Variants in FCSK observed in about 807,000 individuals in gnomAD.
FCSK encodes fucose kinase.
FCSK carries 123 observed loss-of-function variants against 122.5 expected under a neutral mutation model. The ratio of observed to expected loss-of-function variants is 1.00; its 90% CI spans 0.87 to 1.17. The LOEUF is 1.17. Ranked by LOEUF, FCSK falls within the 50% of genes most tolerant of loss-of-function variation. The pLI is 0.00. For missense variants in FCSK, 1,366 were observed against 1,450.4 expected (o/e 0.94, Z 0.95); for synonymous variants, 620 against 625.5 (o/e 0.99, Z 0.13).
intron 13 of FCSK, among the ~76,000 whole-genome samples, chr16:70,471,621 T>C (rs950443376): frequency 2.6e-5 from 4 of 151,930 alleles, no homozygotes; most frequent in Non-Finnish European, 5.9e-5. Flanking sequence ...TTTCTGGAGA[T>C]AGAGTCTTGC....
At chr16:70,467,859 G>A (rs774245060) in intron 7 of FCSK, 27 bp from the exon 8 acceptor site, 24 of 1,598,722 alleles carry the variant, frequency 1.5e-5, no homozygotes, top group Middle Eastern at 1.7e-4. Context: ...TGCTCCCTCC[G>A]CTGATTCTGT....
At chr16:70,467,710 C>A in intron 7 of FCSK, 176 bp from the exon 8 acceptor site, 1 of 651,600 alleles carries the variant, frequency 1.5e-6, no homozygotes, top group Non-Finnish European at 2.7e-6. Context: ...CCTTTAAAGC[C>A]TGCCCTCTGC....
rs1382602139 is a variant in FCSK, at chr16:70,473,052, T to C, written c.1476T>C (p.Pro492=). 6.3e-7 allele frequency: 1 copy of C among 1,590,316 alleles called. No individual in the cohort carries two copies. The highest frequency in any genetic ancestry group is 1.8e-5 in the Admixed American group (1 of 56,848). ...GCCTTCCCAGCGCCCGCCTCTTTCC[T>C]GTGCTCCACCCCTCGAGGGAGCTGG... ...EYCLPSARLF[P]VLHPSRELGP... The change falls in exon 15 of 24, where the codon CCT becomes CCC. Residue 492 remains proline (P), a synonymous_variant. Coordinates refer to ENST00000288078, the MANE Select transcript of FCSK (RefSeq NM_145059.3). This position sits in a 1 kb window ranked among gnomAD's most constrained non-coding sequence, Gnocchi z 4.9.
Position 70,475,760 on chromosome 16 carries a change from C to A in FCSK, c.2634C>A (p.Leu878=). Residue 878 remains leucine (L), a synonymous_variant, in exon 20 of 24, where the codon CTC becomes CTA. Coordinates refer to ENST00000288078, the MANE Select transcript of FCSK (RefSeq NM_145059.3). The part of the protein sequence containing the change: ...IHAVLHLEQV[L]TTGGGWQDQV... Reference sequence around the variant, plus strand: ...CAGTGCTGCACCTGGAGCAGGTGCTCACCACTGGTATGTGACTGCCCTGGA... The same window carrying A: ...CAGTGCTGCACCTGGAGCAGGTGCTAACCACTGGTATGTGACTGCCCTGGA... 1 of 1,581,578 alleles carries A rather than the reference C, an allele frequency of 6.3e-7. No individual in the cohort carries two copies. Among genetic ancestry groups the A allele is most frequent in the Non-Finnish European group, 8.6e-7 (1 of 1,161,728 alleles).
chr16:70,458,226 C>G (rs1014056803), intron 1 of FCSK, among the ~76,000 whole-genome samples: 26 of 148,914 alleles, frequency 1.7e-4, no homozygotes, highest in African/African-American at 6.2e-4. Context: ...GTGGAACAAT[C>G]TCTGCTCACT....
rs932509383 is a variant in FCSK, at chr16:70,471,366, C to T, written c.1341+14C>T. 4 of 1,552,706 alleles carry T rather than the reference C, an allele frequency of 2.6e-6. No individual in the cohort carries two copies. Among genetic ancestry groups the T allele is most frequent in the Admixed American group, 1.8e-5 (1 of 54,072 alleles). ...GACAGCTGGGAGGTAGGCAGTCACC[C>T]TGCATTCCCTCACCCCCATCTTCAG... On this transcript the variant is annotated intron_variant, in intron 13 of 23. Coordinates refer to ENST00000288078, the MANE Select transcript of FCSK (RefSeq NM_145059.3).
At position 70,475,418 on chromosome 16, in the gene FCSK, G is replaced by A. The variant is rs370118908; in HGVS notation, c.2446G>A (p.Glu816Lys). ...TGTCCACTCGGAACTCCAGCTGAGT[G>A]AGCAGCTGCTCCGCACCTTCGGGGG... ...VHVHSELQLSEQLLRTFGGGF... is the reference protein window; with the variant it reads ...VHVHSELQLSKQLLRTFGGGF... Residue 816 changes from glutamate to lysine, a missense_variant, in exon 19 of 24, where the codon GAG becomes AAG. By Grantham distance (56) the Glu-to-Lys change is moderately conservative. Coordinates refer to ENST00000288078, the MANE Select transcript of FCSK (RefSeq NM_145059.3). The A allele has an allele frequency of 2.0e-5, 32 of 1,609,370 alleles. No homozygotes were observed. Among genetic ancestry groups the A allele is most frequent in the Non-Finnish European group, 2.6e-5 (31 of 1,179,626 alleles).
At chr16:70,457,856 C>G (rs975202831) in intron 1 of FCSK, 4 of 151,810 alleles carry the variant, frequency 2.6e-5, no homozygotes, top group Admixed American at 6.6e-5. Flanking sequence ...CTTGGCCTCC[C>G]AAAGTGCTGG....
intron 12 of FCSK, 24 bp from the exon 13 acceptor site, chr16:70,471,158 G>A: frequency 6.3e-7 from 1 of 1,596,438 alleles, no homozygotes; most frequent in East Asian, 2.2e-5. Context: ...GCCCACCCAG[G>A]ATGCCTGCCC....
intron 20 of FCSK, among the ~76,000 whole-genome samples, chr16:70,477,009 G>A (rs1312716414): frequency 2.0e-5 from 3 of 152,194 alleles, no homozygotes; most frequent in Non-Finnish European, 4.4e-5. Flanking sequence ...CTTTGAAGCA[G>A]AGGGGCACAG....
intron 3 of FCSK, among the ~76,000 whole-genome samples, chr16:70,464,444 G>A (rs1243245208): frequency 6.6e-6 from 1 of 152,148 alleles, no homozygotes; most frequent in Non-Finnish European, 1.5e-5. Context: ...CTGAGGTCAG[G>A]AGTTGGAGAC....
intron 9 of FCSK, 48 bp from the exon 10 acceptor site, chr16:70,469,104 G>A: frequency 6.2e-7 from 1 of 1,611,336 alleles, no homozygotes; most frequent in Non-Finnish European, 8.5e-7. Context: ...GAACTTGGGG[G>A]CTGAACCCCT....
chr16:70,468,742 G>T (rs1165903018), intron 8 of FCSK, 107 bp from the exon 9 acceptor site: 4 of 1,405,920 alleles, frequency 2.8e-6, no homozygotes, highest in South Asian at 1.2e-5. Flanking sequence ...CTCCCTGCCT[G>T]GTATGGCACT....
intron 5 of FCSK, among the ~76,000 whole-genome samples, 169 bp from the exon 6 acceptor site, chr16:70,466,713 A>G (rs1303766308): frequency 6.6e-6 from 1 of 152,222 alleles, no homozygotes; most frequent in Admixed American, 6.5e-5. Context: ...CAAATAAGTT[A>G]GTCTTGGTCA....
chr16:70,474,745 C>T (rs367919084), intron 17 of FCSK, 45 bp from the exon 18 acceptor site: 2 of 1,556,398 alleles, frequency 1.3e-6, no homozygotes, highest in Non-Finnish European at 8.7e-7. Flanking sequence ...CAGAGCCAGG[C>T]TGGCAGCTTC....
intron 22 of FCSK, 32 bp downstream of exon 22, chr16:70,478,682 C>T (rs1000916114): frequency 3.2e-6 from 5 of 1,574,432 alleles, no homozygotes; most frequent in Non-Finnish European, 4.4e-6. Flanking sequence ...GGTCAGGGCA[C>T]TGGGAGCGAG....
chr16:70,474,695 G>A lies in FCSK; in HGVS notation c.2155+1G>A. On this transcript the variant is annotated splice_donor_variant, in intron 17 of 23. Transcript: ENST00000288078. LOFTEE classifies it high-confidence loss of function. ...TGCCCGGCCCGTGTGGATTTCTCTG[G>A]TGAGCCCCTTGTGGCAGGTGGGGTT... 9 of 1,598,714 alleles carry A rather than the reference G, an allele frequency of 5.6e-6. No individual in the cohort carries two copies. The highest frequency in any genetic ancestry group is 7.7e-6 in the Non-Finnish European group (9 of 1,172,890).
intron 4 of FCSK, 87 bp downstream of exon 4, chr16:70,465,263 T>A (rs1472138413): frequency 1.6e-6 from 2 of 1,279,178 alleles, no homozygotes; most frequent in Non-Finnish European, 2.2e-6. Flanking sequence ...GTTCTGCCAC[T>A]GTGTGTGTGC....
Position 70,474,165 on chromosome 16 carries a change from G to A in FCSK, c.1814G>A (p.Arg605Gln), listed in dbSNP as rs1201458635. ...GCAGGAGACCCTGGTGTGGCGGCACGGGCACTGGCCTGTGTGGCGGACGTC... is the reference window on the plus strand; with the variant it reads ...GCAGGAGACCCTGGTGTGGCGGCACAGGCACTGGCCTGTGTGGCGGACGTC... The part of the protein sequence containing the change: ...AGAGDPGVAA[R>Q]ALACVADVLG... Residue 605 changes from arginine (R) to glutamine (Q), a missense_variant, in exon 16 of 24, where the codon CGG (arginine) becomes CAG (glutamine). Coordinates refer to ENST00000288078, the MANE Select transcript of FCSK (RefSeq NM_145059.3). The A allele has an allele frequency of 5.8e-6, 9 of 1,557,414 alleles. No individual in the cohort carries two copies. The highest frequency in any genetic ancestry group is 4.1e-5 in the African/African-American group (3 of 73,452).
Sources: gnomAD v4.1 joint callset for allele counts (sites outside exome capture counted in the v4.1 genomes callset) on GRCh38, gnomAD v4.1.1 for gene constraint, Gnocchi (gnomAD v3.1) non-coding constraint, MANE v1.5 for transcripts, NCBI Gene and HGNC (gene_info 2026-07-23, HGNC 2026-07-21) for gene names.